The following QTMAN variants were observed in gnomAD, a reference collection of about 807,000 sequenced individuals.
The protein encoded by QTMAN is tRNA-queuosine alpha-mannosyltransferase.
chr2:143,982,236 C>CT, the QTMAN span, among the ~76,000 whole-genome samples: 8,957 of 145,962 alleles, frequency 0.061, 328 homozygotes, highest in Non-Finnish European at 0.083. Flanking sequence ...CTTTCTTTCT[C>CT]TTTTTTTTTT....
the QTMAN span, among the ~76,000 whole-genome samples, chr2:143,987,773 A>G: frequency 6.6e-6 from 1 of 152,224 alleles, no homozygotes; most frequent in East Asian, 1.9e-4. Flanking sequence ...AAGACAAACA[A>G]TTATTTATTT....
At chr2:144,287,998 G>A in the QTMAN span, among the ~76,000 whole-genome samples, 1 of 152,016 alleles carries the variant, frequency 6.6e-6, no homozygotes, top group African/African-American at 2.4e-5. Flanking sequence ...GGGATTACAG[G>A]CGCACACCAC....
chr2:143,954,679 G>A, the QTMAN span, among the ~76,000 whole-genome samples: 1 of 151,970 alleles, frequency 6.6e-6, no homozygotes, highest in Non-Finnish European at 1.5e-5. Flanking sequence ...TTACTTAGAT[G>A]AGGACTATGT....
the QTMAN span, among the ~76,000 whole-genome samples, chr2:144,102,103 C>CA: frequency 6.6e-6 from 1 of 152,158 alleles, no homozygotes; most frequent in African/African-American, 2.4e-5. Flanking sequence ...GTAACTGGCT[C>CA]AATGGTCTGG....
chr2:144,026,321 G>A, the QTMAN span, among the ~76,000 whole-genome samples: 1 of 152,068 alleles, frequency 6.6e-6, no homozygotes, highest in African/African-American at 2.4e-5. Context: ...TGTAATCCCA[G>A]CTACTTGGCA....
chr2:144,182,189 GACT>G, the QTMAN span, among the ~76,000 whole-genome samples: 1 of 152,120 alleles, frequency 6.6e-6, no homozygotes. Flanking sequence ...GACTTAAATT[GACT>G]ACATGGTACA....
chr2:144,290,112 T>C, the QTMAN span, among the ~76,000 whole-genome samples: 3 of 152,058 alleles, frequency 2.0e-5, no homozygotes, highest in African/African-American at 7.2e-5. Context: ...TCTTTTATGT[T>C]ACTTTTTTTT....
chr2:144,229,097 G>C, the QTMAN span, among the ~76,000 whole-genome samples: 1 of 152,154 alleles, frequency 6.6e-6, no homozygotes, highest in African/African-American at 2.4e-5. Context: ...CAAATACTTT[G>C]TGTCTAATTT....
chr2:144,243,838 T>G, the QTMAN span, among the ~76,000 whole-genome samples: 1 of 152,230 alleles, frequency 6.6e-6, no homozygotes, highest in African/African-American at 2.4e-5. Flanking sequence ...GGTACTTGAC[T>G]GGTTTAATTT....
At chr2:144,289,570 G>C in the QTMAN span, among the ~76,000 whole-genome samples, 1 of 152,166 alleles carries the variant, frequency 6.6e-6, no homozygotes, top group African/African-American at 2.4e-5. Flanking sequence ...GCATCCAGTG[G>C]GGATAGTGAG....
the QTMAN span, among the ~76,000 whole-genome samples, chr2:144,051,957 C>A: frequency 6.6e-6 from 1 of 152,182 alleles, no homozygotes; most frequent in South Asian, 2.1e-4. Flanking sequence ...TTCTTCAGAT[C>A]ACTTTTAATT....
At chr2:144,143,266 T>C in the QTMAN span, among the ~76,000 whole-genome samples, 6,683 of 152,018 alleles carry the variant, frequency 0.044, 260 homozygotes, top group East Asian at 0.18. Context: ...GTATACAAGA[T>C]TAAAGGGATA....
chr2:144,292,603 T>C, the QTMAN span, among the ~76,000 whole-genome samples: 7 of 152,172 alleles, frequency 4.6e-5, no homozygotes, highest in East Asian at 9.6e-4. Flanking sequence ...TAGTGACACT[T>C]AGAATTCTAA....
At chr2:144,160,774 T>C in the QTMAN span, among the ~76,000 whole-genome samples, 2 of 152,132 alleles carry the variant, frequency 1.3e-5, no homozygotes, top group South Asian at 4.1e-4. Context: ...CTATCTGTGA[T>C]GGACAGAGGA....
At chr2:144,128,750 C>T in the QTMAN span, among the ~76,000 whole-genome samples, 1 of 152,100 alleles carries the variant, frequency 6.6e-6, no homozygotes, top group Admixed American at 6.6e-5. Flanking sequence ...AGATACCCTT[C>T]CAGTTCTGAA....
the QTMAN span, among the ~76,000 whole-genome samples, chr2:144,002,304 T>G: frequency 6.6e-6 from 1 of 151,978 alleles, no homozygotes; most frequent in Non-Finnish European, 1.5e-5. Context: ...ATTTGTATGC[T>G]TGTTTGAGTT....
At chr2:144,293,524 AAAGAC>A in the QTMAN span, among the ~76,000 whole-genome samples, 4 of 152,178 alleles carry the variant, frequency 2.6e-5, no homozygotes, top group African/African-American at 4.8e-5. Flanking sequence ...GTAAGGCTCT[AAAGAC>A]AAGGATAGAT....
At chr2:144,214,987 A>G in the QTMAN span, among the ~76,000 whole-genome samples, 1 of 152,148 alleles carries the variant, frequency 6.6e-6, no homozygotes, top group Non-Finnish European at 1.5e-5. Flanking sequence ...TCATGCCTGT[A>G]ATCCTAGCAC....
chr2:144,241,900 T>C, the QTMAN span, among the ~76,000 whole-genome samples: 3 of 152,040 alleles, frequency 2.0e-5, no homozygotes, highest in Non-Finnish European at 4.4e-5. Context: ...AGCTATGAGC[T>C]AGCTGGAGAT....
Sources: allele counts gnomAD v4.1 joint callset (sites outside exome capture counted in the v4.1 genomes callset), GRCh38; gene constraint gnomAD v4.1.1; transcripts MANE v1.5; gene names NCBI Gene and HGNC (gene_info 2026-07-23, HGNC 2026-07-21).